FER: variants seen among roughly 807,000 people sequenced by gnomAD.
The protein encoded by FER is FER tyrosine kinase, also known as tyrosine-protein kinase Fer.
A neutral mutation model predicts 111.0 loss-of-function variants in FER; 63 were observed. That is an observed-to-expected ratio of 0.57 (90% CI 0.46 to 0.70). The LOEUF (loss-of-function observed/expected upper bound fraction) is 0.70, where lower values mean the gene tolerates loss of function less well. Among genes scored for constraint, FER ranks in the 30% least tolerant of loss-of-function variants. FER has a pLI of 0.00. For missense variants in FER, 914 were observed against 954.0 expected (o/e 0.96, Z 0.55); for synonymous variants, 327 against 313.9 (o/e 1.04, Z -0.44).
intron 4 of FER, among the ~76,000 whole-genome samples, chr5:108,835,349 C>T (rs966888179): frequency 1.3e-5 from 2 of 151,774 alleles, no homozygotes; most frequent in East Asian, 3.9e-4. Context: ...AGCCTGGCTC[C>T]TTTTTTGGTA....
At chr5:108,864,816 G>A (rs1309352339) in intron 5 of FER, among the ~76,000 whole-genome samples, 3 of 152,070 alleles carry the variant, frequency 2.0e-5, no homozygotes, top group African/African-American at 7.2e-5. Flanking sequence ...TGTTCTTTTG[G>A]CTTAGGGTTG....
intron 3 of FER, among the ~76,000 whole-genome samples, chr5:108,815,221 G>A (rs1758158903): frequency 6.6e-6 from 1 of 152,044 alleles, no homozygotes; most frequent in South Asian, 2.1e-4. Context: ...GTGTCTTCAC[G>A]CTGAATTTTT....
chr5:108,975,540 C>T (rs1346965333), intron 13 of FER, among the ~76,000 whole-genome samples: 1 of 151,936 alleles, frequency 6.6e-6, no homozygotes, highest in African/African-American at 2.4e-5. Flanking sequence ...AACATTTCAT[C>T]CTAAAGGGTT....
At chr5:109,077,026 T>C (rs1371670076) in intron 16 of FER, among the ~76,000 whole-genome samples, 1 of 152,238 alleles carries the variant, frequency 6.6e-6, no homozygotes, top group Non-Finnish European at 1.5e-5. Context: ...TCTTCACATC[T>C]CTTACACTTG....
In FER at chr5:108,947,815, T is replaced by C. The variant is rs1757184422; in HGVS notation, c.1329+1593T>C. On this transcript the variant is annotated intron_variant, in intron 11 of 19. Transcript: ENST00000281092. ...TCTTAGAGTTTTATTCTTCCACTTA[T>C]ATCTTTGTTTATTATTGGTTAATTT... Among the ~76,000 whole-genome samples the C allele has an allele frequency of 2.0e-5, 3 of 151,922 alleles. No homozygotes were observed. The South Asian group carries it at 6.2e-4, about 31-fold the overall frequency.
intron 2 of FER, among the ~76,000 whole-genome samples, chr5:108,771,499 C>G (rs1398799665): frequency 6.6e-6 from 1 of 152,084 alleles, no homozygotes; most frequent in African/African-American, 2.4e-5. Flanking sequence ...GTTCTGTGAC[C>G]TGCCCAAGAT....
rs557937247 is a variant in FER at position 108,752,854 on chromosome 5, A to T, written c.-206+4854A>T. On this transcript the variant is annotated intron_variant, in intron 1 of 19. Coordinates refer to ENST00000281092, the MANE Select transcript of FER (RefSeq NM_005246.4). ...TATTCATCATCACCATTCATTATAA[A>T]CTTGATATTGTCACTTTTTTTAGTA... is the stretch of plus-strand genomic sequence containing the variant. 3.3e-5 allele frequency among the ~76,000 whole-genome samples: 5 copies of T among 152,188 alleles called. No homozygotes were observed. The South Asian group carries it at 1.0e-3, about 32-fold the overall frequency.
chr5:108,807,203 C>G (rs1034722092), intron 3 of FER, among the ~76,000 whole-genome samples: 1 of 152,306 alleles, frequency 6.6e-6, no homozygotes, highest in East Asian at 1.9e-4. Flanking sequence ...ATTTGCTTCT[C>G]CTTGCCCTCC....
Position 108,855,420 on chromosome 5 carries a change from C to G in FER, c.482-12347C>G, listed in dbSNP as rs1161765138. Among the ~76,000 whole-genome samples, 13 of 151,868 alleles carry G rather than the reference C, an allele frequency of 8.6e-5. No individual in the cohort carries two copies. The East Asian group carries it at 2.5e-3, about 29-fold the overall frequency. On this transcript the variant is annotated intron_variant, in intron 5 of 19. Coordinates refer to ENST00000281092, the MANE Select transcript of FER (RefSeq NM_005246.4). ...GGCCGAGGCGGGCAGATGACAAGGT[C>G]AGGAGATCGAGACCACGGTGAAATC...
intron 3 of FER, among the ~76,000 whole-genome samples, chr5:108,816,132 A>C (rs951689316): frequency 3.3e-5 from 5 of 152,088 alleles, no homozygotes; most frequent in South Asian, 4.1e-4. Context: ...CAAAAAAAAA[A>C]CCATGAGTTT....
intron 17 of FER, among the ~76,000 whole-genome samples, chr5:109,160,346 A>T (rs1306360454): frequency 2.6e-5 from 4 of 152,184 alleles, no homozygotes; most frequent in Non-Finnish European, 5.9e-5. Flanking sequence ...TGCATCCTAA[A>T]TGCAAACTGG....
At chr5:109,095,572 A>G (rs925490325) in intron 16 of FER, among the ~76,000 whole-genome samples, 1 of 151,978 alleles carries the variant, frequency 6.6e-6, no homozygotes. Context: ...CCTCTTCAGG[A>G]ACTTGTTTGG....
chr5:108,888,666 T>C (rs2150302606), intron 9 of FER, among the ~76,000 whole-genome samples: 1 of 152,036 alleles, frequency 6.6e-6, no homozygotes, highest in East Asian at 1.9e-4. Flanking sequence ...ATTGCTTGTT[T>C]GCTCAATGGT....
intron 13 of FER, among the ~76,000 whole-genome samples, chr5:108,974,141 A>T (rs888027458): frequency 6.6e-6 from 1 of 152,296 alleles, no homozygotes; most frequent in Middle Eastern, 3.4e-3. Context: ...CATAGAAATT[A>T]TATTAGGTAC....
At chr5:108,840,804 T>C (rs76474279) in intron 5 of FER, among the ~76,000 whole-genome samples, 1,888 of 152,314 alleles carry the variant, frequency 0.012, 35 homozygotes, top group African/African-American at 0.043. Flanking sequence ...TTGATTTCTT[T>C]AGTCAAGTAG....
At chr5:109,151,461 A>C (rs1450310451) in intron 17 of FER, among the ~76,000 whole-genome samples, 1 of 152,148 alleles carries the variant, frequency 6.6e-6, no homozygotes, top group East Asian at 1.9e-4. Flanking sequence ...AAGATGAGAA[A>C]AATATGCAAA....
chr5:109,006,663 A>G (rs374370528), intron 13 of FER, among the ~76,000 whole-genome samples: 9 of 152,166 alleles, frequency 5.9e-5, no homozygotes, highest in African/African-American at 2.2e-4. Flanking sequence ...TGTTTTTAAA[A>G]CTATAACAAA....
intron 10 of FER, among the ~76,000 whole-genome samples, chr5:108,917,645 C>A (rs1429088452): frequency 1.3e-5 from 2 of 152,098 alleles, no homozygotes; most frequent in African/African-American, 2.4e-5. Context: ...CCAAAGAACA[C>A]AAGGGAAGCT....
At chr5:109,023,822 G>T (rs1768279203) in intron 13 of FER, among the ~76,000 whole-genome samples, 1 of 152,030 alleles carries the variant, frequency 6.6e-6, no homozygotes, top group Admixed American at 6.6e-5. Flanking sequence ...AGCAGTTGTG[G>T]TTTGCTTAAA....
Sources: allele counts gnomAD v4.1 joint callset (sites outside exome capture counted in the v4.1 genomes callset), GRCh38; gene constraint gnomAD v4.1.1; transcripts MANE v1.5; gene names NCBI Gene and HGNC (gene_info 2026-07-23, HGNC 2026-07-21).